GGH: variants seen among roughly 807,000 people sequenced by gnomAD.
GGH encodes the protein gamma-glutamyl hydrolase, also known as gamma-Glu-X carboxypeptidase.
A neutral mutation model predicts 39.2 loss-of-function variants in GGH; 18 were observed. The observed-to-expected ratio is 0.46, with a 90% CI of 0.32 to 0.68. The LOEUF is 0.68. GGH is among the 30% of genes least tolerant of loss of function. The pLI, the probability that GGH is intolerant of heterozygous loss-of-function variation, is 0.04. For synonymous variants in GGH, 147 were observed against 138.8 expected (o/e 1.06, Z -0.42); for missense variants, 367 against 384.1 (o/e 0.96, Z 0.37).
intron 1 of GGH, among the ~76,000 whole-genome samples, 191 bp downstream of exon 1, chr8:63,038,469 G>C (rs1431022289): frequency 6.6e-6 from 1 of 152,192 alleles, no homozygotes; most frequent in Non-Finnish European, 1.5e-5. Context: ...GAATGAACGA[G>C]GTACCTCAAC....
At chr8:63,024,209 G>A (rs1313527960) in intron 5 of GGH, 23 bp from the exon 6 acceptor site, 1 of 1,388,872 alleles carries the variant, frequency 7.2e-7, no homozygotes, top group Admixed American at 1.8e-5. Context: ...AAGTACAAGA[G>A]AAATAATTTA....
At chr8:63,035,915 C>G in intron 1 of GGH, 145 bp from the exon 2 acceptor site, 4 of 759,086 alleles carry the variant, frequency 5.3e-6, no homozygotes, top group Non-Finnish European at 8.3e-6. Flanking sequence ...CCACCCATAG[C>G]CTATGGGAAA....
At position 63,017,330 on chromosome 8, in the gene GGH, A is replaced by G. The variant is rs191439545; in HGVS notation, c.835+163T>C. On this transcript the variant is annotated intron_variant, in intron 8 of 8. Transcript: ENST00000260118. ...TTTTATTAGAATACCTTACATCTTG[A>G]TTTTAGGGCTTTCACATTATTTAAC... 2.5e-4 allele frequency: 132 copies of G among 520,150 alleles called. 1 individual carries two copies. The highest frequency in any genetic ancestry group is 9.9e-4 in the Middle Eastern group (2 of 2,014). 32.2% of individuals were successfully genotyped at this position (520,150 alleles called of 1,614,324 possible). A position where few individuals can be genotyped will look rare whatever the true frequency, so the allele number is the denominator to read the frequency against.
chr8:63,038,751 G>A lies in GGH; in HGVS notation c.18C>T (p.Cys6=). The part of the protein sequence containing the change: MASPG[C]LLCVLGLLLC... ...GTAGCAGGCCCAGCACGCACAGCAG[G>A]CAGCCCGGACTGGCCATGGCGCTCG... is the stretch of plus-strand genomic sequence containing the variant. The change falls in exon 1 of 9, where the codon TGC becomes TGT. Residue 6 remains cysteine, a synonymous_variant. Coordinates refer to ENST00000260118, the MANE Select transcript of GGH (RefSeq NM_003878.3). 1 of 1,574,184 alleles carries A rather than the reference G, an allele frequency of 6.4e-7. No individual in the cohort carries two copies. Among genetic ancestry groups the A allele is most frequent in the Non-Finnish European group, 8.6e-7 (1 of 1,162,884 alleles).
Position 63,038,763 on chromosome 8 carries a change from G to A in GGH, c.6C>T (p.Ala2=), listed in dbSNP as rs376225287. The part of the protein sequence containing the change: M[A]SPGCLLCVLG... ...GCACGCACAGCAGGCAGCCCGGACT[G>A]GCCATGGCGCTCGCCGCCTCCCGCC... Residue 2 remains alanine (A), a synonymous_variant, in exon 1 of 9, where the codon GCC becomes GCT. Coordinates refer to ENST00000260118, the MANE Select transcript of GGH (RefSeq NM_003878.3). The A allele has an allele frequency of 7.8e-6, 12 of 1,539,900 alleles. No individual in the cohort carries two copies. The highest frequency in any genetic ancestry group is 2.8e-5 in the African/African-American group (2 of 70,762).
rs147219885 is a variant in GGH at position 63,018,640 on chromosome 8, T to C, written c.698-1010A>G. The stretch of plus-strand genomic sequence containing the variant: ...GCTCCCTGCCTCCCCCACTTCCGTG[T>C]GACACTGCCGTTTTTCCCCTCTATT... On this transcript the variant is annotated intron_variant, in intron 7 of 8. Coordinates refer to ENST00000260118, the MANE Select transcript of GGH (RefSeq NM_003878.3). 5.9e-5 allele frequency among the ~76,000 whole-genome samples: 9 copies of C among 152,302 alleles called. No individual in the cohort carries two copies. In the East Asian group the frequency reaches 1.5e-3, roughly 26 times the overall value.
chr8:63,015,487 A>C, intron 8 of GGH, 34 bp from the exon 9 acceptor site: 1 of 1,391,416 alleles, frequency 7.2e-7, no homozygotes, highest in Non-Finnish European at 1.0e-6. Flanking sequence ...TAAAAAGATC[A>C]GATGACAAAA....
intron 2 of GGH, among the ~76,000 whole-genome samples, chr8:63,031,918 T>C (rs937502423): frequency 1.3e-5 from 2 of 152,202 alleles, no homozygotes; most frequent in Admixed American, 6.5e-5. Flanking sequence ...TTTAGCAGCA[T>C]GAAAAGGATG....
At chr8:63,018,000 C>A (rs55800505) in intron 7 of GGH, 13,695 of 171,936 alleles carry the variant, frequency 0.08, 552 homozygotes, top group South Asian at 0.16. Context: ...CTTTCCTGTC[C>A]TCCCATAATG....
At chr8:63,027,125 T>C (rs1256911246) in intron 4 of GGH, 56 bp downstream of exon 4, 1 of 845,028 alleles carries the variant, frequency 1.2e-6, no homozygotes, top group African/African-American at 1.7e-5. Context: ...AATGAACCAC[T>C]CGCACAAAAA....
Position 63,038,682 on chromosome 8 carries a change from G to A in GGH, c.87C>T (p.Asp29=). Residue 29 remains aspartate, a synonymous_variant, in exon 1 of 9, where the codon GAC becomes GAT. Coordinates refer to ENST00000260118, the MANE Select transcript of GGH (RefSeq NM_003878.3). The part of the protein sequence containing the change: ...ASLELSRPHG[D]TAKKPIIGIL... ...TACCGATGATGGGCTTCTTGGCGGT[G>A]TCGCCGTGGGGTCTAGACAGCTCGA... 6.5e-7 allele frequency: 1 copy of A among 1,539,928 alleles called. No individual in the cohort carries two copies. Among genetic ancestry groups the A allele is most frequent in the Non-Finnish European group, 8.8e-7 (1 of 1,136,022 alleles).
chr8:63,035,729 A>G lies in GGH; in HGVS notation c.151T>C (p.Tyr51His), dbSNP rs112780270. ...GACGCAGCAATATAGTATCTTCCAT[A>G]GTTTTTCATGACTTTATTACGGCAT... ...QKCRNKVMKNYGRYYIAASYV... is the reference protein window; with the variant it reads ...QKCRNKVMKNHGRYYIAASYV... Residue 51 changes from tyrosine (Y) to histidine (H), a missense_variant, in exon 2 of 9, where the codon TAT (tyrosine) becomes CAT (histidine). Coordinates refer to ENST00000260118, the MANE Select transcript of GGH (RefSeq NM_003878.3). The G allele has an allele frequency of 1.2e-6, 2 of 1,613,706 alleles. No individual in the cohort carries two copies. The highest frequency in any genetic ancestry group is 1.3e-5 in the African/African-American group (1 of 74,986).
chr8:63,023,147 C>T (rs1433606579), intron 7 of GGH, among the ~76,000 whole-genome samples: 1 of 152,230 alleles, frequency 6.6e-6, no homozygotes, highest in Non-Finnish European at 1.5e-5. Context: ...CAGCCTCACA[C>T]ATGAGAGCAT....
At chr8:63,038,413 G>A (rs1361336440) in intron 1 of GGH, among the ~76,000 whole-genome samples, 1 of 152,178 alleles carries the variant, frequency 6.6e-6, no homozygotes, top group Non-Finnish European at 1.5e-5. Flanking sequence ...ATTCTTCATG[G>A]TGCACCCTCC....
chr8:63,027,775 C>T (rs563831281), intron 3 of GGH, among the ~76,000 whole-genome samples: 1 of 152,110 alleles, frequency 6.6e-6, no homozygotes, highest in African/African-American at 2.4e-5. Context: ...CACCCCGAGT[C>T]TCTTCAGAAA....
intron 3 of GGH, among the ~76,000 whole-genome samples, chr8:63,027,657 TA>T (rs1297436172): frequency 6.6e-6 from 1 of 152,126 alleles, no homozygotes; most frequent in Non-Finnish European, 1.5e-5. Flanking sequence ...TGCAGGTCCA[TA>T]ATTATGGGTA....
At chr8:63,018,649 C>T (rs564549338) in intron 7 of GGH, among the ~76,000 whole-genome samples, 5 of 152,324 alleles carry the variant, frequency 3.3e-5, no homozygotes, top group South Asian at 2.1e-4. Context: ...GTGACACTGC[C>T]GTTTTTCCCC....
chr8:63,035,542 T>C (rs2129683508), intron 2 of GGH, 114 bp downstream of exon 2: 3 of 1,427,320 alleles, frequency 2.1e-6, no homozygotes, highest in Non-Finnish European at 1.8e-6. Context: ...CTGACCTCAG[T>C]AGTCCACCCG....
At position 63,028,714 on chromosome 8, in the gene GGH, G is replaced by A. The variant is rs573611868; in HGVS notation, c.276-1449C>T. On this transcript the variant is annotated intron_variant, in intron 3 of 8. Coordinates refer to ENST00000260118, the MANE Select transcript of GGH (RefSeq NM_003878.3). Reference sequence around the variant, plus strand: ...AACAATTAGTGGCAATGCAGAAAACGAGTGAGGAAGATAGAAAATGGACTC... The same window carrying A: ...AACAATTAGTGGCAATGCAGAAAACAAGTGAGGAAGATAGAAAATGGACTC... 5.3e-5 allele frequency among the ~76,000 whole-genome samples: 8 copies of A among 152,270 alleles called. No individual in the cohort carries two copies. The South Asian group carries it at 1.0e-3, about 20-fold the overall frequency.
Sources: allele counts gnomAD v4.1 joint callset (sites outside exome capture counted in the v4.1 genomes callset), GRCh38; gene constraint gnomAD v4.1.1; transcripts MANE v1.5; gene names NCBI Gene and HGNC (gene_info 2026-07-23, HGNC 2026-07-21).